COL7A1: variants seen among roughly 807,000 people sequenced by gnomAD.
The protein encoded by COL7A1 is collagen alpha-1(VII) chain.
Under a neutral mutation model 456.2 loss-of-function variants are expected in COL7A1, and 296 were observed. That is an observed-to-expected ratio of 0.65 (90% CI 0.59 to 0.71). COL7A1 has a LOEUF of 0.71. COL7A1 is among the 30% of genes least tolerant of loss of function. COL7A1 has a pLI of 0.00. For missense variants in COL7A1, 3,441 were observed against 4,017.2 expected (o/e 0.86, Z 3.88); for synonymous variants, 1,464 against 1,525.9 (o/e 0.96, Z 0.95).
rs2043997355 is a variant in COL7A1 at position 48,572,493 on chromosome 3, A to G, written c.6936+10T>C. 6.2e-7 allele frequency: 1 copy of G among 1,610,956 alleles called. No individual in the cohort carries two copies. Among genetic ancestry groups the G allele is most frequent in the Non-Finnish European group, 8.5e-7 (1 of 1,178,970 alleles). On this transcript the variant is annotated intron_variant, in intron 89 of 118. Transcript: ENST00000681320. This position sits in a 1 kb window ranked among gnomAD's most constrained non-coding sequence, Gnocchi z 4.6. The stretch of plus-strand genomic sequence containing the variant: ...GACCCCCCCTCACTGGCAGCCCCAC[A>G]CACACTCACCTTCTCTCCCTTTGCT...
Position 48,568,633 on chromosome 3 carries a change from C to T in COL7A1, c.7759-99G>A. 1 of 1,498,940 alleles carries T rather than the reference C, an allele frequency of 6.7e-7. No homozygotes were observed. The highest frequency in any genetic ancestry group is 9.1e-7 in the Non-Finnish European group (1 of 1,101,186). The allele number at this position is 1,498,940 out of a possible 1,614,324, so 92.9% of individuals were successfully genotyped here. On this transcript the variant is annotated intron_variant, in intron 104 of 118. Coordinates refer to ENST00000681320, the MANE Select transcript of COL7A1 (RefSeq NM_000094.4). The surrounding 1 kb of genome is among the most constrained non-coding windows in gnomAD (Gnocchi z 5.2). ...CCACTCAGATGCTCAGCGGCCAGGG[C>T]CCAGGCCACACACAGATCCCGGGTG...
In COL7A1 at chr3:48,593,318, AC is replaced by A. The variant is rs1559440104; in HGVS notation, c.520+37del. Reference sequence around the variant, plus strand: ...ACCCACATGCTCTCTGACTGCCCCCACCCCCCAGCTGACCTGTCACTCCTGC... The same window carrying A: ...ACCCACATGCTCTCTGACTGCCCCCACCCCCAGCTGACCTGTCACTCCTGC... On this transcript the variant is annotated intron_variant, in intron 5 of 118. Coordinates refer to ENST00000681320, the MANE Select transcript of COL7A1 (RefSeq NM_000094.4). This position sits in a 1 kb window ranked among gnomAD's most constrained non-coding sequence, Gnocchi z 4.4. 6.2e-7 allele frequency: 1 copy of A among 1,612,454 alleles called. No individual in the cohort carries two copies. Among genetic ancestry groups the A allele is most frequent in the Non-Finnish European group, 8.5e-7 (1 of 1,179,208 alleles).
At chr3:48,582,721 AG>A in intron 44 of COL7A1, 68 bp from the exon 45 acceptor site, 1 of 1,531,770 alleles carries the variant, frequency 6.5e-7, no homozygotes, top group Non-Finnish European at 9.0e-7. Context: ...ACAGGGCTAG[AG>A]GCTGGGGTGG....
At position 48,567,368 on chromosome 3, in the gene COL7A1, G is replaced by T; in HGVS notation, c.8047-178C>A. 1 of 942,214 alleles carries T rather than the reference G, an allele frequency of 1.1e-6. No individual in the cohort carries two copies. The highest frequency in any genetic ancestry group is 1.6e-6 in the Non-Finnish European group (1 of 606,332). 58.4% of individuals were successfully genotyped at this position (942,214 alleles called of 1,614,324 possible). A position where few individuals can be genotyped will look rare whatever the true frequency, so the allele number is the denominator to read the frequency against. On this transcript the variant is annotated intron_variant, in intron 109 of 118. Transcript: ENST00000681320. The surrounding 1 kb of genome is among the most constrained non-coding windows in gnomAD (Gnocchi z 4.3). ...CTCCACTATAGCCCCCTGCCCTGAT[G>T]CACATGCCCCCTCCACCTCCCATGC...
At position 48,583,113 on chromosome 3, in the gene COL7A1, C is replaced by G. The variant is rs1467148281; in HGVS notation, c.4482+14G>C. ...ATCCTCCAGGGCCCTTGGCACCCCC[C>G]AGGTTGCACTTACCTTCTCTCCAGC... On this transcript the variant is annotated intron_variant, in intron 43 of 118. Coordinates refer to ENST00000681320, the MANE Select transcript of COL7A1 (RefSeq NM_000094.4). This position sits in a 1 kb window ranked among gnomAD's most constrained non-coding sequence, Gnocchi z 5.1. The G allele has an allele frequency of 5.0e-6, 8 of 1,613,856 alleles. No homozygotes were observed. The highest frequency in any genetic ancestry group is 6.8e-6 in the Non-Finnish European group (8 of 1,179,992).
rs1047234029 is a variant in COL7A1 at position 48,568,364 on chromosome 3, G to A, written c.7794+135C>T. On this transcript the variant is annotated intron_variant, in intron 105 of 118. Transcript: ENST00000681320. The surrounding 1 kb of genome is among the most constrained non-coding windows in gnomAD (Gnocchi z 5.2). ...ATAGGCGGCTACTGTGGAGGTGGGG[G>A]ACCCTGGGTGACATGAGGACACCAT... 8.4e-6 allele frequency: 9 copies of A among 1,069,006 alleles called. No individual in the cohort carries two copies. The African/African-American group carries it at 1.3e-4, about 15-fold the overall frequency. The allele number at this position is 1,069,006 out of a possible 1,614,324, so 66.2% of individuals were successfully genotyped here.
Position 48,570,698 on chromosome 3 carries a change from G to C in COL7A1, c.7285C>G (p.Pro2429Ala). The C allele has an allele frequency of 1.3e-6, 2 of 1,579,918 alleles. No homozygotes were observed. The highest frequency in any genetic ancestry group is 1.7e-6 in the Non-Finnish European group (2 of 1,161,942). ...CCTGGGATTCCTTCTCTCCCTGGGG[G>C]GCCTGCCAGACCCTACCAGAAAAAT... The part of the protein sequence containing the change: ...GPSGERGLAG[P>A]PGREGIPGPL... The change falls in exon 96 of 119, where the codon CCC (proline) becomes GCC (alanine). Residue 2429 changes from proline to alanine, a missense_variant. Coordinates refer to ENST00000681320, the MANE Select transcript of COL7A1 (RefSeq NM_000094.4). The surrounding 1 kb of genome is among the most constrained non-coding windows in gnomAD (Gnocchi z 5.5).
chr3:48,576,888 C>T lies in COL7A1; in HGVS notation c.5600G>A (p.Arg1867Lys). The change falls in exon 67 of 119, where the codon AGA becomes AAA. Residue 1867 changes from arginine (R) to lysine (K), a missense_variant. Arg to Lys is a conservative substitution (Grantham distance 26). This residue lies in a region of COL7A1 where 2,084 missense variants were observed against 2,501.3 expected (regional missense o/e 0.83). Coordinates refer to ENST00000681320, the MANE Select transcript of COL7A1 (RefSeq NM_000094.4). ...GCAGAAAACTCCAATACTCACTTCT[C>T]TCCCAGAGGCGCCTGAATCTCCTTT... ...GEKGDSGASGREGRDGPKGER... is the reference protein window; with the variant it reads ...GEKGDSGASGKEGRDGPKGER... The T allele has an allele frequency of 6.2e-7, 1 of 1,614,078 alleles. No homozygotes were observed. The highest frequency in any genetic ancestry group is 8.5e-7 in the Non-Finnish European group (1 of 1,180,028).
chr3:48,575,230 C>T lies in COL7A1; in HGVS notation c.6193G>A (p.Glu2065Lys), dbSNP rs764418492. 3 of 1,614,066 alleles carry T rather than the reference C, an allele frequency of 1.9e-6. No homozygotes were observed. Among genetic ancestry groups the T allele is most frequent in the South Asian group, 1.1e-5 (1 of 91,086 alleles). Residue 2065 changes from glutamate (E) to lysine (K), a missense_variant, in exon 75 of 119, where the codon GAG (glutamate) becomes AAG (lysine). Transcript: ENST00000681320. The surrounding 1 kb of genome is among the most constrained non-coding windows in gnomAD (Gnocchi z 6.3). ...ACCTGTTCTCCACGTTCTCCTTTCT[C>T]TCCCCGTTCTCCCTGAAATGCAAAT... Reference protein sequence around the residue: ...GRPGERGERGEKGERGEQGRD... With the variant: ...GRPGERGERGKKGERGEQGRD...
Position 48,594,693 on chromosome 3 carries a change from G to T in COL7A1, c.86-145C>A. 1.0e-6 allele frequency: 1 copy of T among 1,001,932 alleles called. No individual in the cohort carries two copies. Among genetic ancestry groups the T allele is most frequent in the Non-Finnish European group, 1.5e-6 (1 of 685,590 alleles). The allele number at this position is 1,001,932 out of a possible 1,614,324, so 62.1% of individuals were successfully genotyped here. On this transcript the variant is annotated intron_variant, in intron 2 of 118. Coordinates refer to ENST00000681320, the MANE Select transcript of COL7A1 (RefSeq NM_000094.4). This position sits in a 1 kb window ranked among gnomAD's most constrained non-coding sequence, Gnocchi z 5.5. ...GGGCCGAATCGGCCTGAGCCTGAGG[G>T]CCTTGGAGGGAGTTGAGCTCGGTGG... is the stretch of plus-strand genomic sequence containing the variant.
rs546812570 is a variant in COL7A1, at chr3:48,593,540, G to A, written c.423C>T (p.Pro141=). Residue 141 remains proline (P), a synonymous_variant, in exon 4 of 119, where the codon CCC becomes CCT. Coordinates refer to ENST00000681320, the MANE Select transcript of COL7A1 (RefSeq NM_000094.4). The surrounding 1 kb of genome is among the most constrained non-coding windows in gnomAD (Gnocchi z 4.4). ...FLPQLARPGV[P]KVCILITDGK... is the part of the protein sequence containing the mutation. The stretch of plus-strand genomic sequence containing the variant: ...GCATGGTAGGGGTAGGGATCACCTT[G>A]GGGACACCAGGTCGGGCCAGCTGGG... 2.5e-6 allele frequency: 4 copies of A among 1,614,154 alleles called. No individual in the cohort carries two copies. Among genetic ancestry groups the A allele is most frequent in the Admixed American group, 3.3e-5 (2 of 60,026 alleles).
Position 48,586,530 on chromosome 3 carries a change from G to T in COL7A1, c.3403+33C>A. ...TGGGGCACCAAGCTCCCAGTGGATAGCCCCAGGAGTCCATGCCTGCTGCAG... is the reference window on the plus strand; with the variant it reads ...TGGGGCACCAAGCTCCCAGTGGATATCCCCAGGAGTCCATGCCTGCTGCAG... On this transcript the variant is annotated intron_variant, in intron 26 of 118. Transcript: ENST00000681320. This position sits in a 1 kb window ranked among gnomAD's most constrained non-coding sequence, Gnocchi z 5.1. The T allele has an allele frequency of 6.2e-7, 1 of 1,613,756 alleles. No individual in the cohort carries two copies. Among genetic ancestry groups the T allele is most frequent in the Middle Eastern group, 1.6e-4 (1 of 6,062 alleles).
rs998864443 is a variant in COL7A1 at position 48,583,339 on chromosome 3, A to T, written c.4437+54T>A. 2.5e-6 allele frequency: 4 copies of T among 1,609,338 alleles called. No homozygotes were observed. The African/African-American group carries it at 4.0e-5, about 16-fold the overall frequency. ...TTATCTTCCAGCCTCCCCTAACACC[A>T]TGGGGAGCCCAGAGTAGCACCCCTC... On this transcript the variant is annotated intron_variant, in intron 42 of 118. Transcript: ENST00000681320. This position sits in a 1 kb window ranked among gnomAD's most constrained non-coding sequence, Gnocchi z 5.1.
rs762888285 is a variant in COL7A1, at chr3:48,582,541, G to A, written c.4564-28C>T. The A allele has an allele frequency of 4.3e-6, 7 of 1,613,918 alleles. No homozygotes were observed. The African/African-American group carries it at 6.7e-5, about 15-fold the overall frequency. On this transcript the variant is annotated intron_variant, in intron 45 of 118. Transcript: ENST00000681320. ...GAATGTAGAGAAAGTGTGAGCCCAG[G>A]AGGGGAAGGGAAAGGGGAGGGACAC...
Position 48,573,694 on chromosome 3 carries a change from G to A in COL7A1, c.6569C>T (p.Ala2190Val). The A allele has an allele frequency of 1.2e-6, 2 of 1,612,910 alleles. No homozygotes were observed. The highest frequency in any genetic ancestry group is 1.7e-6 in the Non-Finnish European group (2 of 1,179,476). Reference sequence around the variant, plus strand: ...CAGTGTTCCCTGGTCACTCACCGGGGCACCAGGTGGTCCAGGGTCTCCATG... The same window carrying A: ...CAGTGTTCCCTGGTCACTCACCGGGACACCAGGTGGTCCAGGGTCTCCATG... Reference protein sequence around the residue: ...GGHGDPGPPGAPGLAGPAGPQ... With the variant: ...GGHGDPGPPGVPGLAGPAGPQ... The change falls in exon 82 of 119, where the codon GCC becomes GTC. Residue 2190 changes from alanine (A) to valine (V), a missense_variant. Coordinates refer to ENST00000681320, the MANE Select transcript of COL7A1 (RefSeq NM_000094.4). This position sits in a 1 kb window ranked among gnomAD's most constrained non-coding sequence, Gnocchi z 5.5.
rs1194752666 is a variant in COL7A1, at chr3:48,588,442, C to T, written c.2588-38G>A. On this transcript the variant is annotated intron_variant, in intron 20 of 118. Coordinates refer to ENST00000681320, the MANE Select transcript of COL7A1 (RefSeq NM_000094.4). The surrounding 1 kb of genome is among the most constrained non-coding windows in gnomAD (Gnocchi z 4.6). ...CTCAGGAATCAGGGAGGCTCTGCCCCCATGGCCCCTGCACCAATCCCAGGC... is the reference window on the plus strand; with the variant it reads ...CTCAGGAATCAGGGAGGCTCTGCCCTCATGGCCCCTGCACCAATCCCAGGC... The T allele has an allele frequency of 6.2e-7, 1 of 1,601,640 alleles. No individual in the cohort carries two copies. The highest frequency in any genetic ancestry group is 8.5e-7 in the Non-Finnish European group (1 of 1,178,818).
In COL7A1 at chr3:48,568,601, T is replaced by C. The variant is rs2043723709; in HGVS notation, c.7759-67A>G. On this transcript the variant is annotated intron_variant, in intron 104 of 118. Coordinates refer to ENST00000681320, the MANE Select transcript of COL7A1 (RefSeq NM_000094.4). This position sits in a 1 kb window ranked among gnomAD's most constrained non-coding sequence, Gnocchi z 5.2. ...CCCCAACACTGGCCCATCCGCTGCA[T>C]GTGTGGCCACTCAGATGCTCAGCGG... The C allele has an allele frequency of 1.9e-6, 3 of 1,554,364 alleles. No individual in the cohort carries two copies. The highest frequency in any genetic ancestry group is 2.6e-6 in the Non-Finnish European group (3 of 1,141,052).
chr3:48,595,329 C>T lies in COL7A1; in HGVS notation c.-63G>A. 1.6e-6 allele frequency: 1 copy of T among 621,244 alleles called. No individual in the cohort carries two copies. The highest frequency in any genetic ancestry group is 2.9e-6 in the Non-Finnish European group (1 of 348,092). The allele number at this position is 621,244 out of a possible 1,614,324, so 38.5% of individuals were successfully genotyped here. A position where few individuals can be genotyped will look rare whatever the true frequency, so the allele number is the denominator to read the frequency against. ...TCTCTCGGGCAGAGCAGAGAAAAGT[C>T]CCTGATCTCGGGGGGCGGAGCGGCA... is the stretch of plus-strand genomic sequence containing the variant. On this transcript the variant is annotated 5_prime_UTR_variant, in exon 1 of 119. Transcript: ENST00000681320.
chr3:48,579,059 G>T lies in COL7A1; in HGVS notation c.5389-105C>A, dbSNP rs1437848660. The T allele has an allele frequency of 6.4e-7, 1 of 1,557,518 alleles. No individual in the cohort carries two copies. The highest frequency in any genetic ancestry group is 1.7e-5 in the Admixed American group (1 of 59,756). ...CAAGAACATGCCCCACCCAGGCAGG[G>T]CTCTGGGAGAAGACACAGACAACAG... On this transcript the variant is annotated intron_variant, in intron 62 of 118. Transcript: ENST00000681320. This position sits in a 1 kb window ranked among gnomAD's most constrained non-coding sequence, Gnocchi z 4.4.
Sources: allele counts gnomAD v4.1 joint callset, GRCh38; gene constraint gnomAD v4.1.1; regional missense constraint gnomAD v4.1.1; non-coding constraint Gnocchi (gnomAD v3.1); transcripts MANE v1.5; gene names NCBI Gene and HGNC (gene_info 2026-07-23, HGNC 2026-07-21).